Variants in TRAPPC10 observed in about 807,000 individuals in gnomAD.
The protein encoded by TRAPPC10 is TRAPP 130 kDa subunit.
In TRAPPC10, 23 loss-of-function variants were observed where a neutral mutation model predicts 125.5. The observed-to-expected ratio is 0.18, with a 90% CI of 0.13 to 0.26. The LOEUF is 0.26. Ranked by LOEUF, TRAPPC10 falls within the 10% of genes least tolerant of loss-of-function variation. TRAPPC10 has a pLI of 1.00. For missense variants in TRAPPC10, 1,123 were observed against 1,308.4 expected, an observed-to-expected ratio of 0.86 and a Z score of 2.19; for synonymous variants, 509 against 518.0, an observed-to-expected ratio of 0.98 and a Z score of 0.24.
At chr21:44,044,352 A>G (rs1045053949) in intron 3 of TRAPPC10, among the ~76,000 whole-genome samples, 2 of 152,134 alleles carry the variant, frequency 1.3e-5, no homozygotes, top group African/African-American at 2.4e-5. Context: ...GTCTATTTAA[A>G]AAAAGGAGTA....
intron 6 of TRAPPC10, chr21:44,060,275 CTTTTTTTTTT>C (rs5844172): frequency 2.4e-5 from 3 of 126,776 alleles, no homozygotes; most frequent in African/African-American, 9.6e-5. Flanking sequence ...TTTTATGTGT[CTTTTTTTTTT>C]TTTTTTTTGA....
At chr21:44,084,060 C>G (rs112627706) in intron 14 of TRAPPC10, 62 bp from the exon 15 acceptor site, 1 of 1,599,718 alleles carries the variant, frequency 6.3e-7, no homozygotes, top group Admixed American at 1.7e-5. Flanking sequence ...ACCGCGCTAC[C>G]GCAGGAAGCT....
At chr21:44,071,847 T>TGA (rs557506662) in intron 7 of TRAPPC10, among the ~76,000 whole-genome samples, 150 of 152,150 alleles carry the variant, frequency 9.9e-4, no homozygotes, top group African/African-American at 3.4e-3. Context: ...TTGGGAGGTG[T>TGA]GAGTTCCAGA....
At chr21:44,086,677 T>C (rs541081497) in intron 15 of TRAPPC10, 125 bp from the exon 16 acceptor site, 25 of 1,039,082 alleles carry the variant, frequency 2.4e-5, no homozygotes, top group Non-Finnish European at 3.6e-5. Flanking sequence ...AAGGAATTCA[T>C]GGAGATCCCA....
rs754042400 is a variant in TRAPPC10, at chr21:44,083,294, A to T, written c.2230A>T (p.Arg744Trp). ...LEPGANQITF[R>W]TQAKEPGTYT... ...ACCAGGGGCCAACCAGATAACATTC[A>T]GGACTCAGGTATGCGTTCAGGGTGG... Residue 744 changes from arginine (R) to tryptophan (W), a missense_variant, in exon 14 of 23, where the codon AGG becomes TGG. Physicochemically the swap from Arg to Trp is moderately radical, Grantham distance 101. This residue lies in a region of TRAPPC10 where 840 missense variants were observed against 902.0 expected (regional missense o/e 0.93). Coordinates refer to ENST00000291574, the MANE Select transcript of TRAPPC10 (RefSeq NM_003274.5). 6.2e-7 allele frequency: 1 copy of T among 1,613,252 alleles called. No individual in the cohort carries two copies. Among genetic ancestry groups the T allele is most frequent in the South Asian group, 1.1e-5 (1 of 91,074 alleles).
chr21:44,063,744 G>A lies in TRAPPC10; in HGVS notation c.997G>A (p.Glu333Lys). ...GTGGGAGGTGGCCCAGCGCGCCCTA[G>A]AGCTGCTGCACAACTGCGTGCAGGA... ...RPWEVAQRAL[E>K]LLHNCVQELK... The change falls in exon 7 of 23, where the codon GAG becomes AAG. Residue 333 changes from glutamate to lysine, a missense_variant. Physicochemically the swap from Glu to Lys is moderately conservative, Grantham distance 56 (BLOSUM62 1). Transcript: ENST00000291574. The surrounding 1 kb of genome is among the most constrained non-coding windows in gnomAD (Gnocchi z 4.4). The A allele has an allele frequency of 6.2e-7, 1 of 1,614,130 alleles. No individual in the cohort carries two copies. The highest frequency in any genetic ancestry group is 8.5e-7 in the Non-Finnish European group (1 of 1,180,028).
chr21:44,074,411 G>A lies in TRAPPC10; in HGVS notation c.1126G>A (p.Ala376Thr). ...GAGGATAGAAGGCTGCTGTGACCGG[G>A]CACAGATCGACTCAAACATTGCCCA... ...LQRIEGCCDR[A>T]QIDSNIAHTV... is the part of the protein sequence containing the mutation. The change falls in exon 8 of 23, where the codon GCA becomes ACA. Residue 376 changes from alanine to threonine, a missense_variant. By Grantham distance (58) the Ala-to-Thr change is moderately conservative. Transcript: ENST00000291574. 1 of 1,614,208 alleles carries A rather than the reference G, an allele frequency of 6.2e-7. No homozygotes were observed.
intron 13 of TRAPPC10, among the ~76,000 whole-genome samples, chr21:44,081,017 CTTTTTTTTTT>C (rs67865929): frequency 1.0e-5 from 1 of 97,196 alleles, no homozygotes; most frequent in Non-Finnish European, 2.0e-5. Flanking sequence ...TTTTTTTTTT[CTTTTTTTTTT>C]TTTTTTTTTT....
At chr21:44,095,279 C>G (rs980939910) in intron 20 of TRAPPC10, among the ~76,000 whole-genome samples, 1 of 151,516 alleles carries the variant, frequency 6.6e-6, no homozygotes, top group Non-Finnish European at 1.5e-5. Context: ...GAGTTTCACA[C>G]TTGTTGCCCA....
intron 15 of TRAPPC10, among the ~76,000 whole-genome samples, chr21:44,085,274 T>TA: frequency 6.6e-6 from 1 of 152,042 alleles, no homozygotes; most frequent in South Asian, 2.1e-4. Context: ...TGGGAGCTAG[T>TA]ATGCCTGGAA....
At chr21:44,030,912 C>T (rs922833663) in intron 1 of TRAPPC10, among the ~76,000 whole-genome samples, 2 of 152,186 alleles carry the variant, frequency 1.3e-5, no homozygotes, top group Non-Finnish European at 1.5e-5. Context: ...AAGTGACTGA[C>T]GTGTCTTGTC....
Position 44,087,092 on chromosome 21 carries a change from A to C in TRAPPC10, c.2539+132A>C, listed in dbSNP as rs76487074. ...ACAGTGTCTGGAGTCCGTGTTCCAT[A>C]GGAGCCCTGCGGCCTGATGCCTGTG... On this transcript the variant is annotated intron_variant, in intron 16 of 22. Transcript: ENST00000291574. The surrounding 1 kb of genome is among the most constrained non-coding windows in gnomAD (Gnocchi z 4.6). 3.1e-3 allele frequency: 3,265 copies of C among 1,052,510 alleles called. 79 individuals are homozygous for C. In the African/African-American group the frequency reaches 0.046, roughly 15 times the overall value. 65.2% of individuals were successfully genotyped at this position (1,052,510 alleles called of 1,614,324 possible).
intron 1 of TRAPPC10, among the ~76,000 whole-genome samples, chr21:44,020,927 T>A (rs1190321465): frequency 6.6e-6 from 1 of 152,220 alleles, no homozygotes; most frequent in Non-Finnish European, 1.5e-5. Context: ...GTCTGATGAC[T>A]CCTGCTTTAC....
At chr21:44,061,325 G>A (rs1290008937) in intron 6 of TRAPPC10, among the ~76,000 whole-genome samples, 11 of 152,014 alleles carry the variant, frequency 7.2e-5, no homozygotes, top group Non-Finnish European at 1.5e-4. Flanking sequence ...ATTTTTAGTA[G>A]AGACGGGGTT....
chr21:44,070,723 T>C (rs996709855), intron 7 of TRAPPC10, among the ~76,000 whole-genome samples: 1 of 152,246 alleles, frequency 6.6e-6, no homozygotes, highest in African/African-American at 2.4e-5. Context: ...TCTTGTTTTT[T>C]ATTCTCAAGC....
At chr21:44,025,879 T>TCA (rs2033015407) in intron 1 of TRAPPC10, among the ~76,000 whole-genome samples, 3 of 81,520 alleles carry the variant, frequency 3.7e-5, no homozygotes, top group South Asian at 3.8e-4. Context: ...TGTGTGTGTG[T>TCA]GTCAGAGGGA....
At position 44,047,510 on chromosome 21, in the gene TRAPPC10, G is replaced by T. The variant is rs1835923127; in HGVS notation, c.286-4770G>T. Among the ~76,000 whole-genome samples the T allele has an allele frequency of 2.0e-5, 3 of 148,834 alleles. No homozygotes were observed. In the South Asian group the frequency reaches 6.5e-4, roughly 32 times the overall value. ...CATTGTTTCCTCAGATTGTTTTTCT[G>T]TTGCACCCTCTCTGGGGGAGTATGT... On this transcript the variant is annotated intron_variant, in intron 3 of 22. Coordinates refer to ENST00000291574, the MANE Select transcript of TRAPPC10 (RefSeq NM_003274.5).
At chr21:44,055,645 G>A (rs987520451) in intron 4 of TRAPPC10, 53 bp from the exon 5 acceptor site, 24 of 1,411,220 alleles carry the variant, frequency 1.7e-5, no homozygotes, top group Middle Eastern at 2.4e-4. Context: ...CTGCTGAGTC[G>A]TGGTGCTGTG....
In TRAPPC10 at chr21:44,087,496, A is replaced by G. The variant is rs965636427; in HGVS notation, c.2540-203A>G. 7.2e-5 allele frequency among the ~76,000 whole-genome samples: 11 copies of G among 152,190 alleles called. No individual in the cohort carries two copies. The highest frequency in any genetic ancestry group is 2.1e-4 in the South Asian group (1 of 4,834). ...TTTTCCTCTCTTCAGATTGAGATCAATGATGGGTCTGGGCGCCTGCCTGCC... is the reference window on the plus strand; with the variant it reads ...TTTTCCTCTCTTCAGATTGAGATCAGTGATGGGTCTGGGCGCCTGCCTGCC... On this transcript the variant is annotated intron_variant, in intron 16 of 22. Coordinates refer to ENST00000291574, the MANE Select transcript of TRAPPC10 (RefSeq NM_003274.5). The surrounding 1 kb of genome is among the most constrained non-coding windows in gnomAD (Gnocchi z 4.6).
Sources: gnomAD v4.1 joint callset for allele counts (sites outside exome capture counted in the v4.1 genomes callset) on GRCh38, gnomAD v4.1.1 for gene constraint, gnomAD v4.1.1 regional missense constraint, Gnocchi (gnomAD v3.1) non-coding constraint, MANE v1.5 for transcripts, NCBI Gene and HGNC (gene_info 2026-07-23, HGNC 2026-07-21) for gene names.